The following MAP2 variants were observed in gnomAD, a reference collection of about 807,000 sequenced individuals.
MAP2 encodes microtubule associated protein 2.
In MAP2, 14 loss-of-function variants were observed where a neutral mutation model predicts 137.6. The ratio of observed to expected loss-of-function variants is 0.10; its 90% CI spans 0.07 to 0.16. The LOEUF is 0.16. Among genes scored for constraint, MAP2 ranks in the 10% least tolerant of loss-of-function variants. The pLI is 1.00. For missense variants in MAP2, 2,088 were observed against 2,191.5 expected, an observed-to-expected ratio of 0.95 and a Z score of 0.94; for synonymous variants, 786 against 782.3, an observed-to-expected ratio of 1.00 and a Z score of -0.08.
intron 4 of MAP2, among the ~76,000 whole-genome samples, chr2:209,648,890 A>C (rs1181574528): frequency 6.6e-6 from 1 of 151,950 alleles, no homozygotes; most frequent in African/African-American, 2.4e-5. Context: ...TTTGGCAGTT[A>C]GGAGCAGTTA....
chr2:209,659,895 G>A (rs1165053929), intron 5 of MAP2, among the ~76,000 whole-genome samples: 2 of 151,964 alleles, frequency 1.3e-5, no homozygotes, highest in African/African-American at 4.8e-5. Flanking sequence ...AAAATTAGCC[G>A]GGCGTGGTGG....
intron 2 of MAP2, among the ~76,000 whole-genome samples, chr2:209,578,540 G>A (rs1005664755): frequency 3.3e-5 from 5 of 150,872 alleles, no homozygotes; most frequent in African/African-American, 1.2e-4. Flanking sequence ...CCATGGTGAT[G>A]CTTCTTCCCA....
chr2:209,510,940 G>A (rs1419224151), intron 2 of MAP2, among the ~76,000 whole-genome samples: 1 of 151,984 alleles, frequency 6.6e-6, no homozygotes, highest in East Asian at 1.9e-4. Context: ...CTAAGGAATG[G>A]GACAAGGGAG....
Position 209,695,061 on chromosome 2 carries a change from T to C in MAP2, c.2891T>C (p.Leu964Pro), listed in dbSNP as rs749539085. The C allele has an allele frequency of 1.5e-5, 24 of 1,614,118 alleles. No individual in the cohort carries two copies. The highest frequency in any genetic ancestry group is 2.0e-5 in the Non-Finnish European group (24 of 1,180,004). The change falls in exon 8 of 16, where the codon CTA (leucine) becomes CCA (proline). Residue 964 changes from leucine to proline, a missense_variant. By Grantham distance (98) the Leu-to-Pro change is moderately conservative (BLOSUM62 -3). Around this residue, in one of 6 missense-constraint regions of MAP2, gnomAD observed 500 missense variants for 482.9 expected, o/e 1.04. Coordinates refer to ENST00000682079, the MANE Select transcript of MAP2 (RefSeq NM_001375505.1). ...KKANDRLDTV[L>P]EKSEEHADSK... ...GCTAATGATAGGTTGGATACTGTAC[T>C]AGAAAAGAGTGAAGAACATGCTGAT...
chr2:209,633,838 G>A (rs78897600), intron 4 of MAP2, among the ~76,000 whole-genome samples: 1,721 of 152,152 alleles, frequency 0.011, 34 homozygotes, highest in African/African-American at 0.04. Flanking sequence ...GAAAGGTGAC[G>A]ACAATGAGGG....
chr2:209,712,384 TCA>T (rs1373120145), intron 13 of MAP2, among the ~76,000 whole-genome samples: 1 of 152,134 alleles, frequency 6.6e-6, no homozygotes, highest in African/African-American at 2.4e-5. Flanking sequence ...AGCTTCAAAA[TCA>T]CAGTGTCATT....
At chr2:209,675,342 C>G (rs1372139492) in intron 5 of MAP2, among the ~76,000 whole-genome samples, 1 of 151,714 alleles carries the variant, frequency 6.6e-6, no homozygotes, top group Non-Finnish European at 1.5e-5. Flanking sequence ...AATTCATTTT[C>G]TCTGAAACAA....
At chr2:209,443,475 C>T (rs1698312774) in intron 1 of MAP2, among the ~76,000 whole-genome samples, 1 of 151,640 alleles carries the variant, frequency 6.6e-6, no homozygotes, top group South Asian at 2.1e-4. Flanking sequence ...TTGTCTACTG[C>T]ACTGTTTCCC....
At position 209,540,705 on chromosome 2, in the gene MAP2, A is replaced by G. The variant is rs1461140021; in HGVS notation, c.-172+33064A>G. On this transcript the variant is annotated intron_variant, in intron 2 of 15. Coordinates refer to ENST00000682079, the MANE Select transcript of MAP2 (RefSeq NM_001375505.1). ...ATCACAGCACTTTATTTTGATGTTC[A>G]TGTCATTGACTAAATATATATAGGG... 7.5e-5 allele frequency among the ~76,000 whole-genome samples: 11 copies of G among 146,284 alleles called. 1 individual carries two copies. In the South Asian group the frequency reaches 8.8e-4, roughly 12 times the overall value.
chr2:209,452,561 G>T (rs1255124843), intron 1 of MAP2, among the ~76,000 whole-genome samples: 1 of 152,108 alleles, frequency 6.6e-6, no homozygotes, highest in South Asian at 2.1e-4. Flanking sequence ...TAATGACAGG[G>T]CAAACAAAGT....
intron 13 of MAP2, among the ~76,000 whole-genome samples, chr2:209,718,170 A>G (rs922695883): frequency 2.0e-5 from 3 of 152,178 alleles, no homozygotes; most frequent in Admixed American, 6.5e-5. Context: ...AGCTAGGTTG[A>G]GTAAATACTA....
At chr2:209,488,051 C>T (rs1275429092) in intron 1 of MAP2, among the ~76,000 whole-genome samples, 1 of 152,178 alleles carries the variant, frequency 6.6e-6, no homozygotes, top group Non-Finnish European at 1.5e-5. Context: ...GAGACCAGCG[C>T]AGAAGGTGTG....
intron 1 of MAP2, among the ~76,000 whole-genome samples, chr2:209,428,768 T>C (rs1163003351): frequency 2.0e-5 from 3 of 152,146 alleles, no homozygotes; most frequent in African/African-American, 7.2e-5. Flanking sequence ...CATAACGCTT[T>C]GTACCTCAAA....
At chr2:209,459,262 G>A (rs1172265609) in intron 1 of MAP2, among the ~76,000 whole-genome samples, 2 of 152,084 alleles carry the variant, frequency 1.3e-5, no homozygotes, top group African/African-American at 2.4e-5. Flanking sequence ...TGGAGATAAT[G>A]CCATTCATAT....
intron 1 of MAP2, among the ~76,000 whole-genome samples, chr2:209,481,073 C>A (rs1708635610): frequency 6.6e-6 from 1 of 152,148 alleles, no homozygotes; most frequent in African/African-American, 2.4e-5. Context: ...ACAGCCTTCA[C>A]GTATCAGGGA....
At chr2:209,595,458 A>G (rs561459465) in intron 3 of MAP2, among the ~76,000 whole-genome samples, 1 of 152,316 alleles carries the variant, frequency 6.6e-6, no homozygotes, top group South Asian at 2.1e-4. Context: ...TCAGGAAACA[A>G]CAGATGCTGG....
intron 3 of MAP2, among the ~76,000 whole-genome samples, chr2:209,616,415 G>A (rs77932280): frequency 9.4e-6 from 1 of 106,690 alleles, no homozygotes; most frequent in African/African-American, 5.8e-5. Context: ...GACCAAATTT[G>A]ATTAATTCCT....
chr2:209,592,335 T>C (rs1472160634), intron 3 of MAP2, among the ~76,000 whole-genome samples: 2 of 152,294 alleles, frequency 1.3e-5, no homozygotes, highest in Middle Eastern at 3.4e-3. Flanking sequence ...ATGGTGGCTG[T>C]ATTTGGCCCA....
chr2:209,673,097 T>A (rs2049607265), intron 5 of MAP2, among the ~76,000 whole-genome samples: 1 of 151,898 alleles, frequency 6.6e-6, no homozygotes, highest in Non-Finnish European at 1.5e-5. Context: ...GATGTTTACC[T>A]GGATAGTGGT....
Sources: allele counts gnomAD v4.1 joint callset (sites outside exome capture counted in the v4.1 genomes callset), GRCh38; gene constraint gnomAD v4.1.1; regional missense constraint gnomAD v4.1.1; transcripts MANE v1.5; gene names NCBI Gene and HGNC (gene_info 2026-07-23, HGNC 2026-07-21).